The following MBNL1 variants were observed in gnomAD, a reference collection of about 807,000 sequenced individuals.
MBNL1 encodes the protein muscleblind-like protein 1.
A neutral mutation model predicts 42.2 loss-of-function variants in MBNL1; 8 were observed. That is an observed-to-expected ratio of 0.19 (90% CI 0.11 to 0.34). The LOEUF is 0.34. MBNL1 is among the 10% of genes least tolerant of loss of function. The pLI is 1.00. For missense variants in MBNL1, 309 were observed against 495.3 expected (o/e 0.62, Z 3.57); for synonymous variants, 169 against 173.9 (o/e 0.97, Z 0.22).
At chr3:152,459,701 T>C (rs888335136) in intron 9 of MBNL1, among the ~76,000 whole-genome samples, 3 of 152,078 alleles carry the variant, frequency 2.0e-5, no homozygotes, top group African/African-American at 7.2e-5. Context: ...GTATCGTTTC[T>C]GTTGCAGCTA....
chr3:152,444,531 G>A (rs68017041), intron 4 of MBNL1, among the ~76,000 whole-genome samples: 16,238 of 152,048 alleles, frequency 0.11, 1,124 homozygotes, highest in Middle Eastern at 0.18. Context: ...ATATTTACAC[G>A]AAAGTTGCAA....
intron 2 of MBNL1, among the ~76,000 whole-genome samples, chr3:152,259,822 C>A (rs533069708): frequency 1.3e-5 from 2 of 152,130 alleles, no homozygotes; most frequent in Admixed American, 6.6e-5. Flanking sequence ...TGAAGACTTT[C>A]AACTATAATG....
intron 3 of MBNL1, among the ~76,000 whole-genome samples, chr3:152,424,193 A>G (rs898899880): frequency 4.6e-5 from 7 of 152,236 alleles, no homozygotes; most frequent in African/African-American, 1.7e-4. Flanking sequence ...CTCAGCCCCA[A>G]AACTCCTTAA....
At chr3:152,424,451 A>G (rs1338081817) in intron 3 of MBNL1, among the ~76,000 whole-genome samples, 2 of 152,174 alleles carry the variant, frequency 1.3e-5, no homozygotes, top group Non-Finnish European at 2.9e-5. Flanking sequence ...AAAACATTCC[A>G]TGCACATGGA....
intron 2 of MBNL1, among the ~76,000 whole-genome samples, chr3:152,312,168 G>A (rs2067027253): frequency 1.3e-5 from 2 of 148,160 alleles, no homozygotes; most frequent in Admixed American, 1.3e-4. Context: ...CTCCAGCCTG[G>A]GCGACAGAGC....
At chr3:152,303,539 G>A (rs1274845989) in intron 2 of MBNL1, among the ~76,000 whole-genome samples, 2 of 151,996 alleles carry the variant, frequency 1.3e-5, no homozygotes, top group South Asian at 2.1e-4. Context: ...GCTTGTGAAA[G>A]AGATAGGAAA....
At position 152,363,980 on chromosome 3, in the gene MBNL1, T is replaced by C. The variant is rs542235747; in HGVS notation, c.175-50961T>C. Among the ~76,000 whole-genome samples, 129 of 152,302 alleles carry C rather than the reference T, an allele frequency of 8.5e-4. 1 individual carries two copies. The highest frequency in any genetic ancestry group is 3.4e-3 in the Middle Eastern group (1 of 294). ...AATTAAGAATGAGATTGATCCTTCA[T>C]ACAGCTGATAACCTGTGTTGATACA... is the stretch of plus-strand genomic sequence containing the variant. On this transcript the variant is annotated intron_variant, in intron 2 of 9. Transcript: ENST00000324210.
chr3:152,318,073 A>G (rs2073387360), intron 2 of MBNL1, among the ~76,000 whole-genome samples: 1 of 152,230 alleles, frequency 6.6e-6, no homozygotes, highest in African/African-American at 2.4e-5. Flanking sequence ...GAGAAAATTG[A>G]TGGTCAACCT....
At chr3:152,322,453 C>G (rs2077004903) in intron 2 of MBNL1, among the ~76,000 whole-genome samples, 2 of 151,938 alleles carry the variant, frequency 1.3e-5, no homozygotes, top group Admixed American at 1.3e-4. Flanking sequence ...TTTTGAAAGG[C>G]TATGTCACGG....
chr3:152,364,447 T>C (rs1486805740), intron 2 of MBNL1, among the ~76,000 whole-genome samples: 1 of 152,058 alleles, frequency 6.6e-6, no homozygotes, highest in Non-Finnish European at 1.5e-5. Context: ...ATAAATTCAT[T>C]ACATGCCTGT....
At chr3:152,305,739 ATTTC>A (rs2062779970) in intron 2 of MBNL1, among the ~76,000 whole-genome samples, 1 of 152,170 alleles carries the variant, frequency 6.6e-6, no homozygotes, top group Non-Finnish European at 1.5e-5. Flanking sequence ...TAGGATAGTA[ATTTC>A]TTTGTGAATT....
At chr3:152,346,069 C>G (rs1296202025) in intron 2 of MBNL1, among the ~76,000 whole-genome samples, 1 of 152,018 alleles carries the variant, frequency 6.6e-6, no homozygotes, top group Non-Finnish European at 1.5e-5. Context: ...GGAAAAAGTA[C>G]AACTGTAAGT....
At chr3:152,403,425 G>A (rs2098314868) in intron 2 of MBNL1, among the ~76,000 whole-genome samples, 1 of 152,080 alleles carries the variant, frequency 6.6e-6, no homozygotes, top group Non-Finnish European at 1.5e-5. Flanking sequence ...CTTGGTACAA[G>A]TTCCATAGTT....
At chr3:152,451,265 G>T (rs1438728993) in intron 6 of MBNL1, among the ~76,000 whole-genome samples, 1 of 152,104 alleles carries the variant, frequency 6.6e-6, no homozygotes, top group East Asian at 1.9e-4. Context: ...AAAGATCAGG[G>T]TTCAGTGACA....
intron 1 of MBNL1, among the ~76,000 whole-genome samples, chr3:152,269,976 G>A (rs1373826768): frequency 6.9e-6 from 1 of 145,300 alleles, no homozygotes; most frequent in Non-Finnish European, 1.5e-5. Flanking sequence ...TGTCATGTGA[G>A]AATACTTTGA....
chr3:152,458,484 C>T (rs115339835), intron 8 of MBNL1: 1 of 333,666 alleles, frequency 3.0e-6, no homozygotes, highest in East Asian at 6.6e-5. Flanking sequence ...TTGCTTTGCT[C>T]AGGGTCACAC....
At chr3:152,372,622 G>A (rs2096718136) in intron 2 of MBNL1, among the ~76,000 whole-genome samples, 2 of 152,214 alleles carry the variant, frequency 1.3e-5, no homozygotes, top group Admixed American at 1.3e-4. Flanking sequence ...AGTATCACTA[G>A]CAGACACTGC....
intron 2 of MBNL1, among the ~76,000 whole-genome samples, chr3:152,388,612 C>T (rs991395708): frequency 2.0e-5 from 3 of 152,088 alleles, no homozygotes; most frequent in Non-Finnish European, 2.9e-5. Context: ...CTAAAGTTTC[C>T]GACTTTGAGG....
intron 2 of MBNL1, among the ~76,000 whole-genome samples, chr3:152,363,033 G>A (rs889294402): frequency 6.6e-6 from 1 of 151,794 alleles, no homozygotes; most frequent in Non-Finnish European, 1.5e-5. Context: ...CACAGAAATG[G>A]GTATCAAATA....
Sources: gnomAD v4.1 joint callset for allele counts (sites outside exome capture counted in the v4.1 genomes callset) on GRCh38, gnomAD v4.1.1 for gene constraint, MANE v1.5 for transcripts, NCBI Gene and HGNC (gene_info 2026-07-23, HGNC 2026-07-21) for gene names.